Variants in TUT4 observed in about 807,000 individuals in gnomAD.
The protein encoded by TUT4 is terminal uridylyltransferase 4.
TUT4 carries 36 observed loss-of-function variants against 192.2 expected under a neutral mutation model. That is an observed-to-expected ratio of 0.19 (90% CI 0.14 to 0.25). The LOEUF (loss-of-function observed/expected upper bound fraction) is 0.25, where lower values mean the gene tolerates loss of function less well. TUT4 is among the 10% of genes least tolerant of loss of function. TUT4 has a pLI of 1.00. For missense variants in TUT4, 1,493 were observed against 1,957.2 expected (o/e 0.76, Z 4.47); for synonymous variants, 618 against 666.0 (o/e 0.93, Z 1.11).
Position 52,474,887 on chromosome 1 carries a change from A to C in TUT4, c.2672T>G (p.Leu891Arg). The C allele has an allele frequency of 6.2e-7, 1 of 1,613,570 alleles. No homozygotes were observed. The highest frequency in any genetic ancestry group is 8.5e-7 in the Non-Finnish European group (1 of 1,179,924). The change falls in exon 13 of 30, where the codon CTC becomes CGC. Residue 891 changes from leucine to arginine, a missense_variant. By Grantham distance (102) the Leu-to-Arg change is moderately radical (BLOSUM62 -2). Around this residue, in one of 7 missense-constraint regions of TUT4, gnomAD observed 245 missense variants for 218.4 expected, o/e 1.12. Transcript: ENST00000257177. The part of the protein sequence containing the change: ...DASDLNDDDN[L>R]PTQELYYVFD... ...CACATAATATAATTCCTGGGTGGGG[A>C]GGTTATCATCATCATTAAGGTCAGA... is the stretch of plus-strand genomic sequence containing the variant.
chr1:52,450,552 A>G (rs1659085259), intron 20 of TUT4, among the ~76,000 whole-genome samples: 1 of 152,240 alleles, frequency 6.6e-6, no homozygotes, highest in Admixed American at 6.5e-5. Context: ...AGCATAAATC[A>G]TAATAGTAAA....
chr1:52,438,105 G>T, intron 25 of TUT4, 115 bp downstream of exon 25: 1 of 734,234 alleles, frequency 1.4e-6, no homozygotes, highest in East Asian at 2.7e-5. Flanking sequence ...ATTTACCTTA[G>T]GTATAATTAA....
rs1653430519 is a variant in TUT4 at position 52,435,399 on chromosome 1, T to A, written c.4229A>T (p.Asp1410Val). The stretch of plus-strand genomic sequence containing the variant: ...TGACTGTCTAGTCCTTATGGACTGA[T>A]CACCCTGTTGCTGAGCTGAACCAGC... ...QVAGSAQQQGDQSIRTRQSSE... is the reference protein window; with the variant it reads ...QVAGSAQQQGVQSIRTRQSSE... Residue 1410 changes from aspartate to valine, a missense_variant, in exon 27 of 30, where the codon GAT (aspartate) becomes GTT (valine). Asp to Val is a radical substitution (Grantham distance 152). Around this residue, in one of 7 missense-constraint regions of TUT4, gnomAD observed 351 missense variants for 397.8 expected, o/e 0.88. Coordinates refer to ENST00000257177, the MANE Select transcript of TUT4 (RefSeq NM_001009881.3). 1 of 1,614,218 alleles carries A rather than the reference T, an allele frequency of 6.2e-7. No individual in the cohort carries two copies. The highest frequency in any genetic ancestry group is 8.5e-7 in the Non-Finnish European group (1 of 1,180,024).
intron 15 of TUT4, among the ~76,000 whole-genome samples, chr1:52,466,412 G>A (rs943454766): frequency 6.6e-6 from 1 of 151,872 alleles, no homozygotes; most frequent in Non-Finnish European, 1.5e-5. Context: ...GGAAGCTGAG[G>A]TGGGTGGATC....
chr1:52,466,131 C>G (rs537546412), intron 15 of TUT4, among the ~76,000 whole-genome samples: 15 of 152,206 alleles, frequency 9.9e-5, no homozygotes, highest in African/African-American at 3.4e-4. Context: ...TTCTGATGCT[C>G]TACTTGAAAT....
At chr1:52,540,196 G>A (rs977483420) in intron 1 of TUT4, among the ~76,000 whole-genome samples, 7 of 147,450 alleles carry the variant, frequency 4.7e-5, no homozygotes, top group Admixed American at 2.7e-4. Context: ...TCCAGCCTGG[G>A]TGACAGAGCG....
intron 16 of TUT4, 150 bp downstream of exon 16, chr1:52,464,920 G>A (rs1663694134): frequency 3.9e-6 from 2 of 516,716 alleles, no homozygotes; most frequent in African/African-American, 2.0e-5. Flanking sequence ...AACTGAAAAT[G>A]CTACTGTTTT....
chr1:52,482,310 T>C (rs1414979816), intron 9 of TUT4, among the ~76,000 whole-genome samples: 2 of 152,218 alleles, frequency 1.3e-5, no homozygotes, highest in Non-Finnish European at 2.9e-5. Context: ...CCTATATAGG[T>C]ATAGGGAGAA....
chr1:52,477,157 T>C (rs1418532676), intron 12 of TUT4, among the ~76,000 whole-genome samples: 1 of 152,188 alleles, frequency 6.6e-6, no homozygotes, highest in Admixed American at 6.5e-5. Context: ...GTTTGCATAA[T>C]TAAAAAATAA....
chr1:52,510,278 G>A (rs1056977198), intron 3 of TUT4, among the ~76,000 whole-genome samples: 21 of 133,814 alleles, frequency 1.6e-4, no homozygotes, highest in African/African-American at 6.2e-4. Flanking sequence ...TCGCATCACT[G>A]CACTCAAGCC....
At chr1:52,451,945 C>A (rs1570434467) in intron 20 of TUT4, among the ~76,000 whole-genome samples, 1 of 151,646 alleles carries the variant, frequency 6.6e-6, no homozygotes, top group Non-Finnish European at 1.5e-5. Flanking sequence ...TAATTAATAA[C>A]CATCCAAAAA....
intron 9 of TUT4, among the ~76,000 whole-genome samples, chr1:52,487,132 T>C (rs999667279): frequency 6.6e-6 from 1 of 152,132 alleles, no homozygotes; most frequent in Admixed American, 6.5e-5. Context: ...GAAGCTCAGA[T>C]AGGTGAAGTA....
intron 7 of TUT4, among the ~76,000 whole-genome samples, chr1:52,492,412 T>C (rs1005995815): frequency 6.6e-6 from 1 of 152,206 alleles, no homozygotes; most frequent in African/African-American, 2.4e-5. Flanking sequence ...AGGGTAATAA[T>C]AACAATCACA....
chr1:52,468,634 C>T (rs1355115251), intron 14 of TUT4: 3 of 171,146 alleles, frequency 1.8e-5, no homozygotes, highest in Non-Finnish European at 3.7e-5. Flanking sequence ...TGTTGCTATA[C>T]TAGGCATCTG....
intron 2 of TUT4, among the ~76,000 whole-genome samples, chr1:52,520,029 G>C (rs1679822107): frequency 6.6e-6 from 1 of 152,024 alleles, no homozygotes; most frequent in South Asian, 2.1e-4. Flanking sequence ...AAAAAAAGAA[G>C]GCAAAGGAAG....
At chr1:52,531,914 T>TTTTTTG (rs1683551132) in intron 1 of TUT4, among the ~76,000 whole-genome samples, 1 of 127,398 alleles carries the variant, frequency 7.8e-6, no homozygotes, top group African/African-American at 3.1e-5. Context: ...TTTTTTTTTT[T>TTTTTTG]GAGACAGAAT....
intron 20 of TUT4, among the ~76,000 whole-genome samples, chr1:52,449,523 C>T (rs1448674940): frequency 1.3e-5 from 2 of 152,194 alleles, no homozygotes; most frequent in African/African-American, 4.8e-5. Context: ...TGGTCTCAAA[C>T]TCCTGACCTC....
At chr1:52,515,719 GAGGC>G (rs1364482053) in intron 3 of TUT4, 168 bp downstream of exon 3, 1 of 738,716 alleles carries the variant, frequency 1.4e-6, no homozygotes, top group Non-Finnish European at 2.2e-6. Context: ...CTGAAAAAGA[GAGGC>G]AAGGAAGAAA....
At chr1:52,435,932 TCA>T (rs1159800717) in intron 26 of TUT4, among the ~76,000 whole-genome samples, 1 of 150,860 alleles carries the variant, frequency 6.6e-6, no homozygotes, top group Non-Finnish European at 1.5e-5. Context: ...TCTCTCTCTC[TCA>T]CACACACACA....
Sources: allele counts gnomAD v4.1 joint callset (sites outside exome capture counted in the v4.1 genomes callset), GRCh38; gene constraint gnomAD v4.1.1; regional missense constraint gnomAD v4.1.1; transcripts MANE v1.5; gene names NCBI Gene and HGNC (gene_info 2026-07-23, HGNC 2026-07-21).